CHN2: variants seen among roughly 807,000 people sequenced by gnomAD.
CHN2 encodes the protein beta-chimaerin.
Under a neutral mutation model 56.3 loss-of-function variants are expected in CHN2, and 35 were observed. The observed-to-expected ratio is 0.62, with a 90% CI of 0.47 to 0.82. CHN2 has a LOEUF of 0.82. Ranked by LOEUF, CHN2 falls within the 40% of genes least tolerant of loss-of-function variation. The probability of loss-of-function intolerance (pLI) is 0.00; values close to 1 mark genes in which losing one functional copy is unlikely to be tolerated. For missense variants in CHN2, 491 were observed against 580.5 expected, an observed-to-expected ratio of 0.85 and a Z score of 1.58; for synonymous variants, 210 against 212.8, an observed-to-expected ratio of 0.99 and a Z score of 0.12.
chr7:29,478,669 G>C (rs1232344317), intron 6 of CHN2, among the ~76,000 whole-genome samples: 3 of 152,208 alleles, frequency 2.0e-5, no homozygotes, highest in African/African-American at 7.2e-5. Context: ...TTACCTCTCA[G>C]TGCCTTGCTC....
chr7:29,375,103 G>A (rs560806404), intron 3 of CHN2, among the ~76,000 whole-genome samples: 4 of 150,102 alleles, frequency 2.7e-5, no homozygotes, highest in Non-Finnish European at 4.4e-5. Context: ...TTGGTCAGGC[G>A]GGTCTTGAAC....
intron 12 of CHN2, among the ~76,000 whole-genome samples, chr7:29,510,955 CTCTCTT>C (rs1352847257): frequency 6.8e-5 from 1 of 14,700 alleles, no homozygotes; most frequent in Non-Finnish European, 6.8e-4. Flanking sequence ...CCTTGTGTCT[CTCTCTT>C]TCACTGCACA....
At position 29,213,228 on chromosome 7, in the gene CHN2, T is replaced by C. The variant is rs141566737; in HGVS notation, c.49+18238T>C. On this transcript the variant is annotated intron_variant, in intron 1 of 12. Transcript: ENST00000222792. ...TGAAGATGTGTGAAGATGAGTGAAA[T>C]TGATATTACTCAGTTTCACTCTGGG... 7.3e-6 allele frequency: 8 copies of C among 1,089,674 alleles called. 1 individual carries two copies. The African/African-American group carries it at 1.1e-4, about 15-fold the overall frequency. 67.5% of individuals were successfully genotyped at this position (1,089,674 alleles called of 1,614,324 possible). A position where few individuals can be genotyped will look rare whatever the true frequency, so the allele number is the denominator to read the frequency against.
rs759181420 is a variant in CHN2, at chr7:29,197,301, C to T, written c.49+2311C>T. Reference sequence around the variant, plus strand: ...AAGGGGGAAAGATAATTGTAGGATTCCCTCTAGCTCTGAAGTTCTGGGAGT... The same window carrying T: ...AAGGGGGAAAGATAATTGTAGGATTTCCTCTAGCTCTGAAGTTCTGGGAGT... On this transcript the variant is annotated intron_variant, in intron 1 of 12. Transcript: ENST00000222792. Among the ~76,000 whole-genome samples, 28 of 152,170 alleles carry T rather than the reference C, an allele frequency of 1.8e-4. 1 individual carries two copies. Among genetic ancestry groups the T allele is most frequent in the Non-Finnish European group, 5.9e-5 (4 of 68,026 alleles).
chr7:29,420,059 CAA>C (rs398004204), intron 6 of CHN2, among the ~76,000 whole-genome samples: 6 of 120,276 alleles, frequency 5.0e-5, no homozygotes, highest in African/African-American at 7.2e-5. Context: ...GACTCCATCT[CAA>C]AAAAAAAAAA....
chr7:29,506,203 C>T (rs1455074154), intron 10 of CHN2, among the ~76,000 whole-genome samples: 1 of 152,026 alleles, frequency 6.6e-6, no homozygotes, highest in Non-Finnish European at 1.5e-5. Context: ...GGCCTAGAAT[C>T]CCAGCACTTT....
chr7:29,510,475 G>A (rs1343524283), intron 12 of CHN2, among the ~76,000 whole-genome samples: 1 of 152,136 alleles, frequency 6.6e-6, no homozygotes, highest in Non-Finnish European at 1.5e-5. Context: ...GCTTGATGGT[G>A]GTAGCATCCA....
intron 6 of CHN2, among the ~76,000 whole-genome samples, chr7:29,444,848 G>A (rs1403697824): frequency 1.3e-5 from 2 of 152,260 alleles, no homozygotes; most frequent in Middle Eastern, 3.4e-3. Flanking sequence ...TAGGATATAT[G>A]GTACCAGATC....
intron 1 of CHN2, among the ~76,000 whole-genome samples, chr7:29,301,097 A>G (rs1793621978): frequency 6.6e-6 from 1 of 152,190 alleles, no homozygotes; most frequent in African/African-American, 2.4e-5. Context: ...TGTCATTTGT[A>G]TAGTCCCCTA....
chr7:29,427,511 C>T (rs984335306), intron 6 of CHN2, among the ~76,000 whole-genome samples: 1 of 152,132 alleles, frequency 6.6e-6, no homozygotes, highest in Non-Finnish European at 1.5e-5. Flanking sequence ...CTACCACATC[C>T]TCTGTCCACT....
At chr7:29,440,621 G>GC (rs1238836405) in intron 6 of CHN2, among the ~76,000 whole-genome samples, 2 of 147,952 alleles carry the variant, frequency 1.4e-5, no homozygotes, top group Non-Finnish European at 3.0e-5. Context: ...GGAGGCAGAG[G>GC]CTGCTGTGAG....
At chr7:29,297,904 A>G (rs1485657903) in intron 1 of CHN2, among the ~76,000 whole-genome samples, 1 of 152,170 alleles carries the variant, frequency 6.6e-6, no homozygotes, top group Non-Finnish European at 1.5e-5. Flanking sequence ...GATGCATTTG[A>G]AAGGGGTACA....
At chr7:29,194,461 G>T (rs1279245581), upstream of CHN2, 1 of 155,430 alleles carries the variant, frequency 6.4e-6, no homozygotes, top group Non-Finnish European at 1.4e-5. Flanking sequence ...GGAGAAGGGG[G>T]AGGTCGCTCT....
intron 3 of CHN2, among the ~76,000 whole-genome samples, chr7:29,373,162 G>A (rs954687245): frequency 2.0e-5 from 3 of 151,980 alleles, no homozygotes; most frequent in African/African-American, 7.3e-5. Flanking sequence ...ACCAAGTACT[G>A]ATGGCAGTGG....
intron 1 of CHN2, among the ~76,000 whole-genome samples, chr7:29,276,076 G>T (rs561575886): frequency 5.9e-5 from 9 of 151,766 alleles, no homozygotes; most frequent in African/African-American, 2.2e-4. Flanking sequence ...AACAAAACAC[G>T]CATGATAGTT....
At chr7:29,474,828 T>G (rs967304652) in intron 6 of CHN2, among the ~76,000 whole-genome samples, 3 of 152,210 alleles carry the variant, frequency 2.0e-5, no homozygotes, top group African/African-American at 7.2e-5. Context: ...GCAAATCACC[T>G]TCTCTAGAAA....
chr7:29,427,656 CTTTTTTTTTT>C (rs754677450), intron 6 of CHN2, among the ~76,000 whole-genome samples: 2 of 120,398 alleles, frequency 1.7e-5, no homozygotes, highest in African/African-American at 6.4e-5. Flanking sequence ...ATTTTTTATT[CTTTTTTTTTT>C]TTTTTTTTTG....
chr7:29,215,576 G>A (rs1030788300), intron 1 of CHN2, among the ~76,000 whole-genome samples: 1 of 152,014 alleles, frequency 6.6e-6, no homozygotes, highest in Non-Finnish European at 1.5e-5. Context: ...ACAATTTTAT[G>A]TTCTGTGCCA....
intron 1 of CHN2, among the ~76,000 whole-genome samples, chr7:29,311,562 C>T (rs1319474860): frequency 6.6e-6 from 1 of 152,210 alleles, no homozygotes; most frequent in East Asian, 1.9e-4. Flanking sequence ...CAGATAGGGA[C>T]TAATAAGATT....
Sources: gnomAD v4.1 joint callset for allele counts (sites outside exome capture counted in the v4.1 genomes callset) on GRCh38, gnomAD v4.1.1 for gene constraint, MANE v1.5 for transcripts, NCBI Gene and HGNC (gene_info 2026-07-23, HGNC 2026-07-21) for gene names.